CLCN3: variants seen among roughly 807,000 people sequenced by gnomAD.
CLCN3 encodes the protein H(+)/Cl(-) exchange transporter 3.
A neutral mutation model predicts 83.4 loss-of-function variants in CLCN3; 16 were observed. The observed-to-expected ratio is 0.19, with a 90% CI of 0.13 to 0.29. The LOEUF (loss-of-function observed/expected upper bound fraction) is 0.29. Ranked by LOEUF, CLCN3 falls within the 10% of genes least tolerant of loss-of-function variation. CLCN3 has a pLI of 1.00. For missense variants in CLCN3, 544 were observed against 1,006.0 expected (o/e 0.54, Z 6.21); for synonymous variants, 322 against 346.2 (o/e 0.93, Z 0.78).
In CLCN3 at chr4:169,687,723, A is replaced by T; in HGVS notation, c.384A>T (p.Gly128=). The stretch of plus-strand genomic sequence containing the variant: ...AAAGTTTGTATGATGCGTGGTCAGG[A>T]TGGCTAGTAGTAACACTAACAGGAT... ...MTKSLYDAWS[G]WLVVTLTGLA... is the part of the protein sequence containing the mutation. Residue 128 remains glycine, a synonymous_variant, in exon 4 of 13, where the codon GGA becomes GGT. Transcript: ENST00000513761. 6.2e-7 allele frequency: 1 copy of T among 1,606,508 alleles called. No homozygotes were observed. The highest frequency in any genetic ancestry group is 1.1e-5 in the South Asian group (1 of 89,966).
chr4:169,667,937 C>T (rs1326240855), intron 2 of CLCN3, among the ~76,000 whole-genome samples: 1 of 151,100 alleles, frequency 6.6e-6, no homozygotes, highest in African/African-American at 2.4e-5. Flanking sequence ...GATGGGGTTT[C>T]ACCATATTGG....
At chr4:169,648,282 A>G (rs1027416240) in intron 2 of CLCN3, among the ~76,000 whole-genome samples, 1 of 152,250 alleles carries the variant, frequency 6.6e-6, no homozygotes, top group Non-Finnish European at 1.5e-5. Flanking sequence ...CGTGTTAACA[A>G]TTGGGGAAAC....
At chr4:169,645,239 A>G (rs1222871988) in intron 2 of CLCN3, among the ~76,000 whole-genome samples, 2 of 152,200 alleles carry the variant, frequency 1.3e-5, no homozygotes, top group African/African-American at 4.8e-5. Flanking sequence ...CCAAATGCAC[A>G]CTGGGTACAT....
chr4:169,636,199 A>G, intron 2 of CLCN3, 111 bp downstream of exon 2: 1 of 930,380 alleles, frequency 1.1e-6, no homozygotes, highest in Non-Finnish European at 1.6e-6. Context: ...TTTGAGATCA[A>G]ATTTACATAA....
At chr4:169,662,353 T>C (rs900387086) in intron 2 of CLCN3, among the ~76,000 whole-genome samples, 1 of 152,180 alleles carries the variant, frequency 6.6e-6, no homozygotes, top group Non-Finnish European at 1.5e-5. Context: ...AAGTCAGTTA[T>C]TAGGCTTTCG....
intron 2 of CLCN3, chr4:169,660,414 A>G (rs529749343): frequency 1.7e-5 from 24 of 1,409,618 alleles, no homozygotes; most frequent in Admixed American, 3.2e-5. Context: ...ACGGGGGAGG[A>G]GACAGTATTC....
intron 2 of CLCN3, 60 bp from the exon 3 acceptor site, chr4:169,679,990 T>G (rs1731871058): frequency 2.3e-6 from 3 of 1,289,726 alleles, no homozygotes; most frequent in African/African-American, 1.5e-5. Context: ...TCTAAGAAGG[T>G]CACTTAGCTC....
intron 2 of CLCN3, among the ~76,000 whole-genome samples, chr4:169,637,595 C>CCAA (rs767228164): frequency 0.31 from 46,546 of 151,206 alleles, 7,554 homozygotes; most frequent in South Asian, 0.4. Flanking sequence ...ACCACCACCA[C>CCAA]CAACAACAAC....
intron 1 of CLCN3, 59 bp from the exon 2 acceptor site, chr4:169,635,854 A>G (rs1773487283): frequency 2.2e-6 from 3 of 1,367,460 alleles, no homozygotes; most frequent in African/African-American, 1.5e-5. Flanking sequence ...GTGATGTTAA[A>G]CTAGATGATT....
intron 2 of CLCN3, among the ~76,000 whole-genome samples, chr4:169,655,734 G>C (rs1270652794): frequency 6.6e-6 from 1 of 152,074 alleles, no homozygotes; most frequent in African/African-American, 2.4e-5. Context: ...TTGAACTCCT[G>C]GCTTCAAGTG....
At chr4:169,650,691 A>C (rs1409759259) in intron 2 of CLCN3, among the ~76,000 whole-genome samples, 2 of 152,180 alleles carry the variant, frequency 1.3e-5, no homozygotes, top group Non-Finnish European at 2.9e-5. Context: ...TTTTAGAAAT[A>C]AACAAATAAT....
chr4:169,671,726 A>G (rs1173406969), intron 2 of CLCN3, among the ~76,000 whole-genome samples: 1 of 152,140 alleles, frequency 6.6e-6, no homozygotes, highest in African/African-American at 2.4e-5. Context: ...TCCTATGGCA[A>G]TGGATGTCTC....
At chr4:169,681,727 A>G (rs1186699892) in intron 3 of CLCN3, among the ~76,000 whole-genome samples, 1 of 152,236 alleles carries the variant, frequency 6.6e-6, no homozygotes. Context: ...AATTCATTTA[A>G]AAATAACAGT....
At chr4:169,689,011 A>T (rs1560859962) in intron 4 of CLCN3, 32 bp from the exon 5 acceptor site, 1 of 1,595,026 alleles carries the variant, frequency 6.3e-7, no homozygotes, top group East Asian at 2.3e-5. Flanking sequence ...AATTGACTTA[A>T]TTTTTTTACC....
At chr4:169,646,563 T>C (rs1336847516) in intron 2 of CLCN3, among the ~76,000 whole-genome samples, 1 of 152,208 alleles carries the variant, frequency 6.6e-6, no homozygotes. Flanking sequence ...TCCAAAATGC[T>C]GGGATTACAG....
rs372403360 is a variant in CLCN3 at position 169,689,277 on chromosome 4, A to C, written c.606+47A>C. 3 of 1,489,472 alleles carry C rather than the reference A, an allele frequency of 2.0e-6. No homozygotes were observed. The South Asian group carries it at 3.6e-5, about 18-fold the overall frequency. 92.3% of individuals were successfully genotyped at this position (1,489,472 alleles called of 1,614,324 possible). A position where few individuals can be genotyped will look rare whatever the true frequency, so the allele number is the denominator to read the frequency against. ...GATGAATTAATAATTGATATAGCAA[A>C]ATGTTTCCAATTCATTTAATTATAG... is the stretch of plus-strand genomic sequence containing the variant. On this transcript the variant is annotated intron_variant, in intron 5 of 12. Coordinates refer to ENST00000513761, the MANE Select transcript of CLCN3 (RefSeq NM_001829.4).
chr4:169,702,919 A>G (rs1732853744), intron 9 of CLCN3: 1 of 177,846 alleles, frequency 5.6e-6, no homozygotes, highest in South Asian at 1.1e-4. Flanking sequence ...AGACCATTGT[A>G]GGGTTCTTAG....
In CLCN3 at chr4:169,697,359, A is replaced by G. The variant is rs1394947585; in HGVS notation, c.1188A>G (p.Leu396=). 2.5e-6 allele frequency: 4 copies of G among 1,613,826 alleles called. No individual in the cohort carries two copies. In the South Asian group the frequency reaches 3.3e-5, roughly 13 times the overall value. Reference sequence around the variant, plus strand: ...TTGAACTGTTTCCTTTTATTCTTCTAGGGGTATTTGGAGGGCTTTGGGGAG... The same window carrying G: ...TTGAACTGTTTCCTTTTATTCTTCTGGGGGTATTTGGAGGGCTTTGGGGAG... ...YLFELFPFIL[L]GVFGGLWGAF... is the part of the protein sequence containing the mutation. Residue 396 remains leucine, a synonymous_variant, in exon 9 of 13, where the codon CTA becomes CTG. Coordinates refer to ENST00000513761, the MANE Select transcript of CLCN3 (RefSeq NM_001829.4).
At position 169,661,398 on chromosome 4, in the gene CLCN3, T is replaced by G. The variant is rs147934457; in HGVS notation, c.161-18652T>G. ...AGTATATAAGGAAGTAATAATGTTT[T>G]TCTAATATAATTAGCCTGCTTTATT... On this transcript the variant is annotated intron_variant, in intron 2 of 12. Coordinates refer to ENST00000513761, the MANE Select transcript of CLCN3 (RefSeq NM_001829.4). 1.5e-4 allele frequency among the ~76,000 whole-genome samples: 23 copies of G among 152,296 alleles called. No individual in the cohort carries two copies. The East Asian group carries it at 4.4e-3, about 29-fold the overall frequency.
Sources: allele counts gnomAD v4.1 joint callset (sites outside exome capture counted in the v4.1 genomes callset), GRCh38; gene constraint gnomAD v4.1.1; transcripts MANE v1.5; gene names NCBI Gene and HGNC (gene_info 2026-07-23, HGNC 2026-07-21).